ITGA3: variants seen among roughly 807,000 people sequenced by gnomAD.
ITGA3 encodes integrin alpha-3.
ITGA3 carries 70 observed loss-of-function variants against 131.1 expected under a neutral mutation model. The observed-to-expected ratio is 0.53, with a 90% confidence interval of 0.44 to 0.65. The LOEUF (loss-of-function observed/expected upper bound fraction) is 0.65, where lower values mean the gene tolerates loss of function less well. Ranked by LOEUF, ITGA3 falls within the 30% of genes least tolerant of loss-of-function variation. ITGA3 has a pLI of 0.00. For missense variants in ITGA3, 1,098 were observed against 1,388.6 expected, an observed-to-expected ratio of 0.79 and a Z score of 3.33; for synonymous variants, 537 against 571.6, an observed-to-expected ratio of 0.94 and a Z score of 0.86.
At position 50,068,141 on chromosome 17, in the gene ITGA3, A is replaced by G. The variant is rs749625688; in HGVS notation, c.500A>G (p.Asn167Ser). Residue 167 changes from asparagine (N) to serine (S), a missense_variant, in exon 4 of 26, where the codon AAT becomes AGT. By Grantham distance (46) the Asn-to-Ser change is conservative. Coordinates refer to ENST00000320031, the MANE Select transcript of ITGA3 (RefSeq NM_002204.4). ...RMVGKCYVRGNDLELDSSDDW... is the reference protein window; with the variant it reads ...RMVGKCYVRGSDLELDSSDDW... ...GTGGGCAAGTGCTACGTGCGAGGCA[A>G]TGACCTAGAGCTGGACTCCAGTGAT... is the stretch of plus-strand genomic sequence containing the variant. 156 of 1,614,076 alleles carry G rather than the reference A, an allele frequency of 9.7e-5. No homozygotes were observed. The highest frequency in any genetic ancestry group is 1.3e-4 in the Non-Finnish European group (152 of 1,180,050).
chr17:50,056,584 G>T lies in ITGA3; in HGVS notation c.145G>T (p.Gly49Cys), dbSNP rs776404147. The change falls in exon 1 of 26, where the codon GGC becomes TGC. Residue 49 changes from glycine (G) to cysteine (C), a missense_variant. Physicochemically the swap from Gly to Cys is radical, Grantham distance 159. Coordinates refer to ENST00000320031, the MANE Select transcript of ITGA3 (RefSeq NM_002204.4). This position sits in a 1 kb window ranked among gnomAD's most constrained non-coding sequence, Gnocchi z 5.6. ...FLVVKEAGNP[G>C]SLFGYSVALH... is the part of the protein sequence containing the mutation. ...GGTAGTGAAGGAGGCCGGGAACCCG[G>T]GCAGCCTCTTCGGCTACTCGGTCGC... 1 of 1,591,962 alleles carries T rather than the reference G, an allele frequency of 6.3e-7. No individual in the cohort carries two copies. Among genetic ancestry groups the T allele is most frequent in the Non-Finnish European group, 8.5e-7 (1 of 1,170,204 alleles).
At chr17:50,071,686 A>ATT (rs2144282075) in intron 6 of ITGA3, 168 bp downstream of exon 6, 1 of 659,844 alleles carries the variant, frequency 1.5e-6, no homozygotes, top group South Asian at 1.9e-5. Flanking sequence ...TGCACATGGC[A>ATT]TTTGTGGGAC....
At position 50,056,766 on chromosome 17, in the gene ITGA3, C is replaced by A; in HGVS notation, c.206+121C>A. ...TTGGGAGCCAGGATTAAGGGGCGGC[C>A]CTCTGGCTGCTGGGGGTTGGCGGGA... is the stretch of plus-strand genomic sequence containing the variant. On this transcript the variant is annotated intron_variant, in intron 1 of 25. Coordinates refer to ENST00000320031, the MANE Select transcript of ITGA3 (RefSeq NM_002204.4). This position sits in a 1 kb window ranked among gnomAD's most constrained non-coding sequence, Gnocchi z 5.6. 1 of 989,222 alleles carries A rather than the reference C, an allele frequency of 1.0e-6. No individual in the cohort carries two copies. 61.3% of individuals were successfully genotyped at this position (989,222 alleles called of 1,614,324 possible).
At position 50,079,504 on chromosome 17, in the gene ITGA3, C is replaced by A; in HGVS notation, c.2653C>A (p.Pro885Thr). The A allele has an allele frequency of 6.3e-7, 1 of 1,577,098 alleles. No homozygotes were observed. The highest frequency in any genetic ancestry group is 8.6e-7 in the Non-Finnish European group (1 of 1,162,888). Residue 885 changes from proline to threonine, a missense_variant, in exon 21 of 26, where the codon CCC becomes ACC. Physicochemically the swap from Pro to Thr is conservative, Grantham distance 38. Around this residue, in one of 3 missense-constraint regions of ITGA3, gnomAD observed 699 missense variants for 829.2 expected, o/e 0.84. Coordinates refer to ENST00000320031, the MANE Select transcript of ITGA3 (RefSeq NM_002204.4). Reference sequence around the variant, plus strand: ...GCTGGATCCAGGGGGAGGCCAGGGCCCCCCACCTGTCACTCTGGCTGCTGC... The same window carrying A: ...GCTGGATCCAGGGGGAGGCCAGGGCACCCCACCTGTCACTCTGGCTGCTGC... ...RQLDPGGGQG[P>T]PPVTLAAAKK...
At chr17:50,077,546 TC>T in intron 16 of ITGA3, 99 bp downstream of exon 16, 2 of 948,832 alleles carry the variant, frequency 2.1e-6, no homozygotes, top group East Asian at 4.8e-5. Flanking sequence ...CTTTCTGGGC[TC>T]CCTCGAAGTG....
At chr17:50,081,524 G>A (rs561628977) in intron 23 of ITGA3, 116 bp downstream of exon 23, 14 of 767,818 alleles carry the variant, frequency 1.8e-5, no homozygotes, top group African/African-American at 8.6e-5. Flanking sequence ...TTGGCCACAC[G>A]GTAAGAGTAT....
Position 50,075,713 on chromosome 17 carries a change from A to G in ITGA3, c.1652A>G (p.Gln551Arg), listed in dbSNP as rs879252927. 2 of 1,614,090 alleles carry G rather than the reference A, an allele frequency of 1.2e-6. No homozygotes were observed. The highest frequency in any genetic ancestry group is 2.2e-5 in the South Asian group (2 of 91,086). Residue 551 changes from glutamine (Q) to arginine (R), a missense_variant, in exon 12 of 26, where the codon CAG (glutamine) becomes CGG (arginine). Coordinates refer to ENST00000320031, the MANE Select transcript of ITGA3 (RefSeq NM_002204.4). Reference protein sequence around the residue: ...GFFSMPEMRCQKLELLLMDNL... With the variant: ...GFFSMPEMRCRKLELLLMDNL... ...TTCTCCATGCCCGAGATGCGCTGCC[A>G]GAAGCTGGAGCTGCTCCTGATGGTG... is the stretch of plus-strand genomic sequence containing the variant.
At chr17:50,069,625 C>G (rs1391087356) in intron 4 of ITGA3, among the ~76,000 whole-genome samples, 1 of 152,200 alleles carries the variant, frequency 6.6e-6, no homozygotes, top group Admixed American at 6.5e-5. Context: ...GCGATTGTGC[C>G]ACTGTCCTCC....
At chr17:50,087,584 C>A in intron 23 of ITGA3, 160 bp from the exon 24 acceptor site, 1 of 717,046 alleles carries the variant, frequency 1.4e-6, no homozygotes, top group Non-Finnish European at 2.3e-6. Context: ...GACCACTGGA[C>A]CTGCTGTCAG....
chr17:50,087,629 G>C, intron 23 of ITGA3, 115 bp from the exon 24 acceptor site: 1 of 1,202,222 alleles, frequency 8.3e-7, no homozygotes, highest in Non-Finnish European at 1.2e-6. Flanking sequence ...GTCCCAGGCT[G>C]CCCCCTACTG....
Position 50,056,674 on chromosome 17 carries a change from G to C in ITGA3, c.206+29G>C. 1 of 1,575,194 alleles carries C rather than the reference G, an allele frequency of 6.3e-7. No homozygotes were observed. The highest frequency in any genetic ancestry group is 8.6e-7 in the Non-Finnish European group (1 of 1,159,734). ...AGTGAAGCTGGAGGGTGTGGGGTGG[G>C]AGCGAGAGAGTGTGCGAGCGCGGGA... is the stretch of plus-strand genomic sequence containing the variant. On this transcript the variant is annotated intron_variant, in intron 1 of 25. Transcript: ENST00000320031. This position sits in a 1 kb window ranked among gnomAD's most constrained non-coding sequence, Gnocchi z 5.6.
Position 50,079,197 on chromosome 17 carries a change from A to G in ITGA3, c.2522A>G (p.Asn841Ser), listed in dbSNP as rs374741808. Residue 841 changes from asparagine to serine, a missense_variant, in exon 20 of 26, where the codon AAT becomes AGT. Physicochemically the swap from Asn to Ser is conservative, Grantham distance 46 (BLOSUM62 1). This residue lies in a region of ITGA3 where 699 missense variants were observed against 829.2 expected (regional missense o/e 0.84). Transcript: ENST00000320031. ...LYPTEITVHG[N>S]GSWPCRPPGD... The stretch of plus-strand genomic sequence containing the variant: ...CCCACGGAGATCACCGTCCATGGCA[A>G]TGGGTCCTGGCCCTGCCGACCACCT... 1.6e-5 allele frequency: 26 copies of G among 1,613,996 alleles called. No individual in the cohort carries two copies. Among genetic ancestry groups the G allele is most frequent in the Non-Finnish European group, 2.1e-5 (25 of 1,179,960 alleles).
Position 50,064,655 on chromosome 17 carries a change from C to G in ITGA3, c.414+48C>G, listed in dbSNP as rs1420026295. ...CTCCTCCACCTCTACCCGGCTCTCC[C>G]CTCATCTCCAGAGCTGGGAGGAAAG... On this transcript the variant is annotated intron_variant, in intron 3 of 25. Transcript: ENST00000320031. The surrounding 1 kb of genome is among the most constrained non-coding windows in gnomAD (Gnocchi z 4.4). 6.6e-7 allele frequency: 1 copy of G among 1,510,990 alleles called. No homozygotes were observed. Among genetic ancestry groups the G allele is most frequent in the Non-Finnish European group, 9.1e-7 (1 of 1,101,354 alleles). The allele number at this position is 1,510,990 out of a possible 1,614,324, so 93.6% of individuals were successfully genotyped here.
chr17:50,056,131 T>G lies in ITGA3; in HGVS notation c.-309T>G. 1 of 315,494 alleles carries G rather than the reference T, an allele frequency of 3.2e-6. No individual in the cohort carries two copies. Among genetic ancestry groups the G allele is most frequent in the Non-Finnish European group, 5.8e-6 (1 of 173,282 alleles). 19.5% of individuals were successfully genotyped at this position (315,494 alleles called of 1,614,324 possible). ...TGCCAGATCCGCCGCGAAGCCGGGA[T>G]CGAAGGCGACAGCGCGGCCAAGGGG... is the stretch of plus-strand genomic sequence containing the variant. On this transcript the variant is annotated 5_prime_UTR_variant, in exon 1 of 26. Coordinates refer to ENST00000320031, the MANE Select transcript of ITGA3 (RefSeq NM_002204.4). The surrounding 1 kb of genome is among the most constrained non-coding windows in gnomAD (Gnocchi z 5.6).
At chr17:50,071,277 G>A (rs1440068380) in intron 5 of ITGA3, 34 bp from the exon 6 acceptor site, 1 of 1,589,952 alleles carries the variant, frequency 6.3e-7, no homozygotes, top group South Asian at 1.1e-5. Context: ...GAAGTTGACT[G>A]GGACCTTGGT....
At position 50,064,278 on chromosome 17, in the gene ITGA3, G is replaced by A; in HGVS notation, c.334+74G>A. 1 of 1,531,540 alleles carries A rather than the reference G, an allele frequency of 6.5e-7. No individual in the cohort carries two copies. The allele number at this position is 1,531,540 out of a possible 1,614,324, so 94.9% of individuals were successfully genotyped here. A position where few individuals can be genotyped will look rare whatever the true frequency, so the allele number is the denominator to read the frequency against. On this transcript the variant is annotated intron_variant, in intron 2 of 25. Coordinates refer to ENST00000320031, the MANE Select transcript of ITGA3 (RefSeq NM_002204.4). The surrounding 1 kb of genome is among the most constrained non-coding windows in gnomAD (Gnocchi z 4.4). The stretch of plus-strand genomic sequence containing the variant: ...GGGGTACCGCAGAGAGAATGGCCTG[G>A]AGGAGATAGAAGGCTTGTTCACACG...
Position 50,071,310 on chromosome 17 carries a change from G to A in ITGA3, c.752-1G>A. 6.2e-7 allele frequency: 1 copy of A among 1,613,618 alleles called. No individual in the cohort carries two copies. Among genetic ancestry groups the A allele is most frequent in the Non-Finnish European group, 8.5e-7 (1 of 1,179,904 alleles). On this transcript the variant is annotated splice_acceptor_variant, in intron 5 of 25. Coordinates refer to ENST00000320031, the MANE Select transcript of ITGA3 (RefSeq NM_002204.4). LOFTEE classifies it high-confidence loss of function. ...GGTTGAACATCTTCCCTCTATCCCA[G>A]GGTACACGATGCAGGTAGGCAGCTT...
intron 4 of ITGA3, among the ~76,000 whole-genome samples, chr17:50,069,049 C>T (rs937500430): frequency 5.9e-5 from 9 of 151,800 alleles, no homozygotes; most frequent in East Asian, 3.9e-4. Context: ...GGGCTTTCAC[C>T]GTGTTAGCCA....
chr17:50,076,996 C>T lies in ITGA3; in HGVS notation c.1945C>T (p.Arg649Trp), dbSNP rs1335301555. ...CAGGCTCCAGTACAGCAGAGACGTC[C>T]GGAAATTGCTCCTGAGCATCAACGT... ...LSRLQYSRDV[R>W]KLLLSINVTN... The change falls in exon 15 of 26, where the codon CGG becomes TGG. Residue 649 changes from arginine (R) to tryptophan (W), a missense_variant. Arg to Trp is a moderately radical substitution (Grantham distance 101). Coordinates refer to ENST00000320031, the MANE Select transcript of ITGA3 (RefSeq NM_002204.4). 1.2e-5 allele frequency: 19 copies of T among 1,610,486 alleles called. No homozygotes were observed. Among genetic ancestry groups the T allele is most frequent in the East Asian group, 2.2e-5 (1 of 44,760 alleles).
Sources: gnomAD v4.1 joint callset for allele counts (sites outside exome capture counted in the v4.1 genomes callset) on GRCh38, gnomAD v4.1.1 for gene constraint, gnomAD v4.1.1 regional missense constraint, Gnocchi (gnomAD v3.1) non-coding constraint, MANE v1.5 for transcripts, NCBI Gene and HGNC (gene_info 2026-07-23, HGNC 2026-07-21) for gene names.